The following GRIK3 variants were observed in gnomAD, a reference collection of about 807,000 sequenced individuals.
The protein encoded by GRIK3 is glutamate receptor ionotropic, kainate 3.
A neutral mutation model predicts 102.5 loss-of-function variants in GRIK3; 29 were observed. That is an observed-to-expected ratio of 0.28 (90% CI 0.21 to 0.39). The LOEUF is 0.39. Ranked by LOEUF, GRIK3 falls within the 10% of genes least tolerant of loss-of-function variation. The pLI, the probability that GRIK3 is intolerant of heterozygous loss-of-function variation, is 1.00. For synonymous variants in GRIK3, 511 were observed against 504.9 expected, an observed-to-expected ratio of 1.01 and a Z score of -0.16; for missense variants, 908 against 1,252.4, an observed-to-expected ratio of 0.73 and a Z score of 4.15.
At chr1:36,978,834 C>T (rs962874501) in intron 1 of GRIK3, among the ~76,000 whole-genome samples, 1 of 152,208 alleles carries the variant, frequency 6.6e-6, no homozygotes, top group African/African-American at 2.4e-5. Flanking sequence ...CCTCCTGTCA[C>T]ATTCTATTGG....
rs116521585 is a variant in GRIK3, at chr1:36,932,843, G to T, written c.116-41747C>A. Among the ~76,000 whole-genome samples, 715 of 152,146 alleles carry T rather than the reference G, an allele frequency of 4.7e-3. 3 individuals are homozygous for T. Among genetic ancestry groups the T allele is most frequent in the African/African-American group, 0.016 (679 of 41,506 alleles). On this transcript the variant is annotated intron_variant, in intron 1 of 15. Transcript: ENST00000373091. ...CTGAGGCTAGGTACTGCATCTATTT[G>T]CTTGCTGTAGTATCTCCAGCCCAGG...
At chr1:36,825,548 C>T in intron 11 of GRIK3, 55 bp downstream of exon 11, 1 of 1,256,554 alleles carries the variant, frequency 8.0e-7, no homozygotes. Flanking sequence ...GAGGACCTGC[C>T]TAACCCCTAG....
Position 37,000,725 on chromosome 1 carries a change from T to C in GRIK3, c.115+33269A>G, listed in dbSNP as rs79240589. On this transcript the variant is annotated intron_variant, in intron 1 of 15. Coordinates refer to ENST00000373091, the MANE Select transcript of GRIK3 (RefSeq NM_000831.4). ...CAGAACCAATATTCAACTCCATGGCTGTCTGAATCCAAATTCAGTCTCCTT... is the reference window on the plus strand; with the variant it reads ...CAGAACCAATATTCAACTCCATGGCCGTCTGAATCCAAATTCAGTCTCCTT... 5.0e-3 allele frequency among the ~76,000 whole-genome samples: 757 copies of C among 152,318 alleles called. 8 individuals are homozygous for C. The highest frequency in any genetic ancestry group is 0.017 in the African/African-American group (727 of 41,576).
At chr1:36,859,813 C>A (rs773398558) in intron 6 of GRIK3, 31 bp downstream of exon 6, 1 of 1,567,436 alleles carries the variant, frequency 6.4e-7, no homozygotes, top group Non-Finnish European at 8.8e-7. Flanking sequence ...GGTGGGAAGC[C>A]CCTGGAATTC....
chr1:36,855,245 T>C lies in GRIK3; in HGVS notation c.1105-1523A>G, dbSNP rs1466597540. On this transcript the variant is annotated intron_variant, in intron 7 of 15. Transcript: ENST00000373091. ...GGCTCCCAGTCCTTGCTTTGCCGCA[T>C]TGGGTTCCTAACCACTCCGAGCCAT... Among the ~76,000 whole-genome samples the C allele has an allele frequency of 3.3e-5, 5 of 152,128 alleles. No individual in the cohort carries two copies. In the East Asian group the frequency reaches 5.8e-4, roughly 18 times the overall value.
Position 36,807,946 on chromosome 1 carries a change from C to T in GRIK3, c.2092-1620G>A, listed in dbSNP as rs1642518447. 2.0e-5 allele frequency among the ~76,000 whole-genome samples: 3 copies of T among 152,336 alleles called. No homozygotes were observed. In the South Asian group the frequency reaches 6.2e-4, roughly 32 times the overall value. On this transcript the variant is annotated intron_variant, in intron 13 of 15. Coordinates refer to ENST00000373091, the MANE Select transcript of GRIK3 (RefSeq NM_000831.4). ...CTCCCAGCCCCTCCTAGTCCTCAGC[C>T]TGCCCTTCTTTCAGCCATTGCTACT...
At chr1:36,808,414 A>C (rs1642524246) in intron 13 of GRIK3, among the ~76,000 whole-genome samples, 1 of 152,222 alleles carries the variant, frequency 6.6e-6, no homozygotes, top group Non-Finnish European at 1.5e-5. Context: ...GTCATGTCCA[A>C]AATTAGGTTA....
intron 15 of GRIK3, among the ~76,000 whole-genome samples, chr1:36,803,421 T>A (rs1265008979): frequency 6.6e-6 from 1 of 152,080 alleles, no homozygotes; most frequent in African/African-American, 2.4e-5. Context: ...TTTTTTATTT[T>A]CATTTTTTTA....
intron 1 of GRIK3, among the ~76,000 whole-genome samples, chr1:36,951,421 C>T (rs146246734): frequency 5.8e-4 from 88 of 152,342 alleles, no homozygotes; most frequent in African/African-American, 2.0e-3. Flanking sequence ...TTTCTCCTTC[C>T]TTCTCCTTTG....
intron 1 of GRIK3, among the ~76,000 whole-genome samples, chr1:37,012,884 A>T (rs954836188): frequency 6.6e-6 from 1 of 152,190 alleles, no homozygotes; most frequent in Non-Finnish European, 1.5e-5. Context: ...TCATATGAAC[A>T]CACTTGGCAA....
At chr1:37,029,910 G>A in intron 1 of GRIK3, among the ~76,000 whole-genome samples, 1 of 152,370 alleles carries the variant, frequency 6.6e-6, no homozygotes, top group East Asian at 1.9e-4. Context: ...CCGGCTACAG[G>A]AGGATGCAGG....
intron 1 of GRIK3, among the ~76,000 whole-genome samples, chr1:37,032,353 C>A (rs1642837166): frequency 6.6e-6 from 1 of 152,132 alleles, no homozygotes; most frequent in Non-Finnish European, 1.5e-5. Context: ...GAAAAGGGAA[C>A]TGCAATCCGT....
intron 1 of GRIK3, among the ~76,000 whole-genome samples, chr1:36,983,452 C>T (rs1031187359): frequency 2.0e-5 from 3 of 152,132 alleles, no homozygotes; most frequent in Non-Finnish European, 2.9e-5. Flanking sequence ...CCAGGGAACA[C>T]TCATAAGAGC....
intron 1 of GRIK3, among the ~76,000 whole-genome samples, chr1:36,948,437 G>T (rs573845991): frequency 2.6e-5 from 4 of 152,122 alleles, no homozygotes; most frequent in Non-Finnish European, 5.9e-5. Context: ...TTCTAAGATG[G>T]AGGGGGAACC....
intron 1 of GRIK3, among the ~76,000 whole-genome samples, chr1:36,947,289 C>T (rs1359316773): frequency 1.3e-5 from 2 of 152,110 alleles, no homozygotes; most frequent in Admixed American, 1.3e-4. Flanking sequence ...CTGGCATCTG[C>T]CCCTCCTCTT....
intron 1 of GRIK3, among the ~76,000 whole-genome samples, chr1:36,968,618 C>T (rs912867626): frequency 4.6e-5 from 7 of 152,228 alleles, no homozygotes. Context: ...CCACTGGTCA[C>T]AGCACAGGAA....
chr1:36,969,276 G>T (rs1642116955), intron 1 of GRIK3, among the ~76,000 whole-genome samples: 1 of 152,210 alleles, frequency 6.6e-6, no homozygotes, highest in African/African-American at 2.4e-5. Flanking sequence ...TCAGAAACCA[G>T]CAAGGGGCTG....
At chr1:36,875,094 G>A (rs966226671) in intron 3 of GRIK3, among the ~76,000 whole-genome samples, 2 of 152,152 alleles carry the variant, frequency 1.3e-5, no homozygotes, top group Non-Finnish European at 2.9e-5. Flanking sequence ...ATCCTAGAAG[G>A]CATATAGAAC....
chr1:36,831,131 C>A (rs1050716925), intron 10 of GRIK3, among the ~76,000 whole-genome samples: 2 of 152,242 alleles, frequency 1.3e-5, no homozygotes, highest in African/African-American at 2.4e-5. Flanking sequence ...GCTCCTTCCA[C>A]AGCCTGCTGC....
Sources: gnomAD v4.1 joint callset for allele counts (sites outside exome capture counted in the v4.1 genomes callset) on GRCh38, gnomAD v4.1.1 for gene constraint, MANE v1.5 for transcripts, NCBI Gene and HGNC (gene_info 2026-07-23, HGNC 2026-07-21) for gene names.